NIBAN1: variants seen among roughly 807,000 people sequenced by gnomAD.
NIBAN1 encodes the protein protein Niban 1.
NIBAN1 carries 81 observed loss-of-function variants against 75.1 expected under a neutral mutation model. That is an observed-to-expected ratio of 1.08 (90% CI 0.90 to 1.30). NIBAN1 has a LOEUF of 1.30. Ranked by LOEUF, NIBAN1 falls within the 50% of genes most tolerant of loss-of-function variation. The pLI, the probability that NIBAN1 is intolerant of heterozygous loss-of-function variation, is 0.00. For missense variants in NIBAN1, 1,133 were observed against 1,128.1 expected (o/e 1.00, Z -0.06); for synonymous variants, 436 against 424.8 (o/e 1.03, Z -0.32).
Position 184,797,471 on chromosome 1 carries a change from C to T in NIBAN1, c.1666+608G>A, listed in dbSNP as rs186451557. On this transcript the variant is annotated intron_variant, in intron 13 of 13. Coordinates refer to ENST00000367511, the MANE Select transcript of NIBAN1 (RefSeq NM_052966.4). ...CCAGCATATTTTAAACAAAGTTTTC[C>T]TATCCACAATCCAATCCCAGGCAAG... Among the ~76,000 whole-genome samples, 19 of 152,162 alleles carry T rather than the reference C, an allele frequency of 1.2e-4. No homozygotes were observed. The East Asian group carries it at 3.5e-3, about 28-fold the overall frequency.
At chr1:184,951,701 C>A (rs1485508549) in intron 1 of NIBAN1, among the ~76,000 whole-genome samples, 1 of 152,148 alleles carries the variant, frequency 6.6e-6, no homozygotes, top group Non-Finnish European at 1.5e-5. Context: ...CCCTTGTCCC[C>A]CCTACAGTCT....
chr1:184,819,239 T>C (rs1206245550), intron 8 of NIBAN1, among the ~76,000 whole-genome samples: 1 of 152,138 alleles, frequency 6.6e-6, no homozygotes, highest in Non-Finnish European at 1.5e-5. Flanking sequence ...AATCACTCAG[T>C]ATAATTCCAT....
intron 1 of NIBAN1, among the ~76,000 whole-genome samples, chr1:184,904,349 T>C (rs543979717): frequency 5.1e-4 from 77 of 152,218 alleles, no homozygotes; most frequent in African/African-American, 1.7e-3. Context: ...TCTTTATAAA[T>C]TACCCAGCCT....
intron 5 of NIBAN1, among the ~76,000 whole-genome samples, chr1:184,839,249 C>T (rs1430181616): frequency 6.6e-6 from 1 of 152,088 alleles, no homozygotes; most frequent in Non-Finnish European, 1.5e-5. Context: ...TGGCCACTTA[C>T]CTCTAAAGTC....
chr1:184,879,747 G>A (rs1571542014), intron 5 of NIBAN1, among the ~76,000 whole-genome samples: 2 of 152,318 alleles, frequency 1.3e-5, no homozygotes, highest in East Asian at 3.9e-4. Context: ...TGGGATTTCT[G>A]GGGTAAGAGC....
chr1:184,831,842 A>G lies in NIBAN1; in HGVS notation c.717+5T>C. 2 of 1,610,898 alleles carry G rather than the reference A, an allele frequency of 1.2e-6. No individual in the cohort carries two copies. Among genetic ancestry groups the G allele is most frequent in the Non-Finnish European group, 8.5e-7 (1 of 1,177,208 alleles). On this transcript the variant is annotated splice_donor_5th_base_variant and intron_variant, in intron 6 of 13. Transcript: ENST00000367511. ...GAGAATCCAAAATTTTGAACCCCAT[A>G]TTACCTGGATTTCATCCCCAGTGAT...
At chr1:184,854,075 C>T (rs1193262370) in intron 5 of NIBAN1, among the ~76,000 whole-genome samples, 1 of 152,062 alleles carries the variant, frequency 6.6e-6, no homozygotes, top group African/African-American at 2.4e-5. Context: ...AGATATTTTG[C>T]ATTCTTTTTT....
intron 1 of NIBAN1, among the ~76,000 whole-genome samples, chr1:184,921,880 T>A (rs1426056143): frequency 6.6e-6 from 1 of 152,214 alleles, no homozygotes; most frequent in Non-Finnish European, 1.5e-5. Context: ...AGGCTCAACT[T>A]TAAAGAAGCA....
intron 9 of NIBAN1, among the ~76,000 whole-genome samples, chr1:184,815,347 C>T (rs1654497739): frequency 6.6e-6 from 1 of 152,190 alleles, no homozygotes; most frequent in African/African-American, 2.4e-5. Context: ...CATTGCCCTC[C>T]ACACTACAGC....
intron 1 of NIBAN1, among the ~76,000 whole-genome samples, chr1:184,905,789 T>C (rs1657086013): frequency 6.6e-6 from 1 of 152,224 alleles, no homozygotes; most frequent in Admixed American, 6.5e-5. Context: ...ATTGTGTTTA[T>C]ATACTCAGCA....
intron 1 of NIBAN1, among the ~76,000 whole-genome samples, chr1:184,944,917 C>G (rs1014600250): frequency 1.4e-4 from 22 of 152,110 alleles, no homozygotes; most frequent in Admixed American, 7.2e-4. Context: ...AAGAAATACC[C>G]CTCACCTGTG....
At chr1:184,841,146 T>C (rs1655276033) in intron 5 of NIBAN1, among the ~76,000 whole-genome samples, 1 of 152,132 alleles carries the variant, frequency 6.6e-6, no homozygotes, top group South Asian at 2.1e-4. Flanking sequence ...GATAAATGAA[T>C]CTTGCACTTA....
chr1:184,964,542 C>T (rs1245700237), intron 1 of NIBAN1, among the ~76,000 whole-genome samples: 1 of 152,138 alleles, frequency 6.6e-6, no homozygotes, highest in Non-Finnish European at 1.5e-5. Flanking sequence ...CTCTGTAAAC[C>T]TTGATTGCTT....
chr1:184,940,616 G>A (rs1266848634), intron 1 of NIBAN1, among the ~76,000 whole-genome samples: 1 of 152,118 alleles, frequency 6.6e-6, no homozygotes, highest in African/African-American at 2.4e-5. Context: ...GTGGGCTAGG[G>A]GGAGAACTAG....
chr1:184,931,097 T>C (rs1235983492), intron 1 of NIBAN1, among the ~76,000 whole-genome samples: 1 of 151,192 alleles, frequency 6.6e-6, no homozygotes, highest in African/African-American at 2.4e-5. Context: ...TCTTCTGGGT[T>C]CAAGCAATTC....
In NIBAN1 at chr1:184,814,909, C is replaced by G. The variant is rs542376299; in HGVS notation, c.1173+3729G>C. ...ACTCATGAAGAACTAGGACAGCCAC[C>G]TTGTCCTTCCTGAATCCTTAAGCTT... On this transcript the variant is annotated intron_variant, in intron 9 of 13. Transcript: ENST00000367511. Among the ~76,000 whole-genome samples the G allele has an allele frequency of 7.9e-5, 12 of 152,316 alleles. No homozygotes were observed. The East Asian group carries it at 1.2e-3, about 15-fold the overall frequency.
At chr1:184,960,956 C>T (rs1390315600) in intron 1 of NIBAN1, among the ~76,000 whole-genome samples, 3 of 151,342 alleles carry the variant, frequency 2.0e-5, no homozygotes, top group African/African-American at 7.3e-5. Context: ...ATAGGCATCC[C>T]CTCCCATCAA....
At position 184,795,342 on chromosome 1, in the gene NIBAN1, G is replaced by A. The variant is rs776647503; in HGVS notation, c.2422C>T (p.Leu808=). ...GGGAGCTCCCCCTCCATGGGCCCCAGGGGCTCCTCGGTGAGCCCTCCACTG... is the reference window on the plus strand; with the variant it reads ...GGGAGCTCCCCCTCCATGGGCCCCAAGGGCTCCTCGGTGAGCCCTCCACTG... ...PASGGLTEEP[L]GPMEGELPGE... is the part of the protein sequence containing the mutation. Residue 808 remains leucine, a synonymous_variant, in exon 14 of 14, where the codon CTG becomes TTG. Transcript: ENST00000367511. The A allele has an allele frequency of 2.5e-6, 4 of 1,609,968 alleles. No homozygotes were observed. In the African/African-American group the frequency reaches 5.3e-5, roughly 22 times the overall value.
At chr1:184,877,966 A>G (rs566006781) in intron 5 of NIBAN1, among the ~76,000 whole-genome samples, 1 of 151,880 alleles carries the variant, frequency 6.6e-6, no homozygotes, top group African/African-American at 2.4e-5. Flanking sequence ...TTTTTTAATG[A>G]TTGTTCCAAT....
Sources: gnomAD v4.1 joint callset for allele counts (sites outside exome capture counted in the v4.1 genomes callset) on GRCh38, gnomAD v4.1.1 for gene constraint, MANE v1.5 for transcripts, NCBI Gene and HGNC (gene_info 2026-07-23, HGNC 2026-07-21) for gene names.